The following GPHN variants were observed in gnomAD, a reference collection of about 807,000 sequenced individuals.
GPHN encodes gephyrin.
A neutral mutation model predicts 95.5 loss-of-function variants in GPHN; 17 were observed. The observed-to-expected ratio is 0.18, with a 90% CI of 0.12 to 0.27. The LOEUF is 0.27. Ranked by LOEUF, GPHN falls within the 10% of genes least tolerant of loss-of-function variation. The probability of loss-of-function intolerance (pLI) is 1.00; values close to 1 mark genes in which losing one functional copy is unlikely to be tolerated. For synonymous variants in GPHN, 320 were observed against 322.5 expected (o/e 0.99, Z 0.08); for missense variants, 660 against 978.1 (o/e 0.67, Z 4.34).
intron 1 of GPHN, among the ~76,000 whole-genome samples, chr14:66,520,550 C>T (rs1566749287): frequency 6.6e-6 from 1 of 152,078 alleles, no homozygotes; most frequent in East Asian, 1.9e-4. Context: ...TCTTACTCTC[C>T]ATTTCAGTGC....
the GPHN span, among the ~76,000 whole-genome samples, chr14:67,687,467 CTT>C: frequency 2.0e-3 from 162 of 79,674 alleles, no homozygotes; most frequent in African/African-American, 3.5e-3. Context: ...CTCCATATTC[CTT>C]TTTTTTTTTT....
At chr14:66,800,787 C>A (rs772730331) in intron 3 of GPHN, among the ~76,000 whole-genome samples, 1 of 151,702 alleles carries the variant, frequency 6.6e-6, no homozygotes, top group Non-Finnish European at 1.5e-5. Flanking sequence ...ATCTTTCTAC[C>A]CCTATTTCTT....
At chr14:66,776,801 C>T (rs536454718) in intron 3 of GPHN, among the ~76,000 whole-genome samples, 263 of 152,188 alleles carry the variant, frequency 1.7e-3, no homozygotes, top group African/African-American at 5.8e-3. Flanking sequence ...TGTGTATAAG[C>T]ATTGGTGTGC....
the GPHN span, among the ~76,000 whole-genome samples, chr14:67,460,347 C>T: frequency 9.7e-4 from 147 of 152,260 alleles, no homozygotes; most frequent in Non-Finnish European, 1.8e-3. Flanking sequence ...AGTTTGTTAT[C>T]TGTGAGGTGT....
At chr14:67,305,188 GA>G in the GPHN span, among the ~76,000 whole-genome samples, 2 of 152,222 alleles carry the variant, frequency 1.3e-5, no homozygotes. Flanking sequence ...CATAACAGAG[GA>G]GGGTTGGAAT....
intron 12 of GPHN, among the ~76,000 whole-genome samples, chr14:67,098,457 A>C (rs970362699): frequency 3.3e-5 from 5 of 152,168 alleles, no homozygotes; most frequent in African/African-American, 1.2e-4. Flanking sequence ...ACCAGGATTC[A>C]GATTCAGGTT....
At chr14:67,562,605 T>G in the GPHN span, 2 of 1,612,954 alleles carry the variant, frequency 1.2e-6, no homozygotes, top group Non-Finnish European at 8.5e-7. Flanking sequence ...CGGGACAGCA[T>G]CCAGTTGGCC....
At chr14:67,018,047 T>C (rs986925753) in intron 9 of GPHN, among the ~76,000 whole-genome samples, 7 of 152,126 alleles carry the variant, frequency 4.6e-5, no homozygotes, top group Non-Finnish European at 1.5e-5. Flanking sequence ...ATGATCCTTT[T>C]CCTCTAAGAA....
the GPHN span, among the ~76,000 whole-genome samples, chr14:67,357,857 TCACA>T: frequency 1.6e-4 from 24 of 152,288 alleles, no homozygotes; most frequent in South Asian, 4.2e-4. Context: ...TTCTATCCTC[TCACA>T]CAGACTGGGA....
the GPHN span, chr14:67,382,825 G>T: frequency 3.8e-6 from 2 of 531,854 alleles, no homozygotes; most frequent in South Asian, 2.3e-5. Flanking sequence ...TCTAAAATTT[G>T]ATCTCAGAAT....
chr14:67,323,829 A>G, the GPHN span: 2 of 1,289,432 alleles, frequency 1.6e-6, no homozygotes, highest in Non-Finnish European at 2.2e-6. Context: ...TTTTCACACT[A>G]TTGTACTATT....
At chr14:67,279,595 T>C in the GPHN span, 1 of 1,446,886 alleles carries the variant, frequency 6.9e-7, no homozygotes, top group Admixed American at 2.4e-5. Flanking sequence ...CTGTGCCTTA[T>C]AATGTATATG....
At chr14:67,278,663 A>C in the GPHN span, among the ~76,000 whole-genome samples, 1 of 152,192 alleles carries the variant, frequency 6.6e-6, no homozygotes, top group Non-Finnish European at 1.5e-5. Context: ...ACAACTACTA[A>C]AAGATGATTA....
At chr14:66,838,276 A>G (rs2061938494) in intron 4 of GPHN, among the ~76,000 whole-genome samples, 1 of 152,160 alleles carries the variant, frequency 6.6e-6, no homozygotes, top group South Asian at 2.1e-4. Flanking sequence ...TCCTTGCTAT[A>G]TAAATCTTTG....
chr14:67,090,906 A>C (rs1347062394), intron 12 of GPHN, among the ~76,000 whole-genome samples: 4 of 151,980 alleles, frequency 2.6e-5, no homozygotes, highest in African/African-American at 4.8e-5. Flanking sequence ...TAAGAATTAT[A>C]TTAAAAATTA....
the GPHN span, among the ~76,000 whole-genome samples, chr14:67,187,553 T>C: frequency 6.6e-6 from 1 of 152,192 alleles, no homozygotes; most frequent in Non-Finnish European, 1.5e-5. Context: ...GAATGATCAA[T>C]TCAGAACATA....
chr14:67,298,852 T>C, the GPHN span, among the ~76,000 whole-genome samples: 2 of 152,204 alleles, frequency 1.3e-5, no homozygotes. Flanking sequence ...TCAGGCCCTA[T>C]GAATATCCAC....
At chr14:66,793,195 G>T (rs1274818869) in intron 3 of GPHN, among the ~76,000 whole-genome samples, 1 of 152,250 alleles carries the variant, frequency 6.6e-6, no homozygotes, top group African/African-American at 2.4e-5. Context: ...GTTCCCAACA[G>T]TAAAGCTAAT....
chr14:67,453,275 C>T, the GPHN span, among the ~76,000 whole-genome samples: 1 of 152,200 alleles, frequency 6.6e-6, no homozygotes, highest in East Asian at 1.9e-4. Flanking sequence ...AAGTGCCCCT[C>T]TTCCTGGCTT....
Sources: allele counts gnomAD v4.1 joint callset (sites outside exome capture counted in the v4.1 genomes callset), GRCh38; gene constraint gnomAD v4.1.1; transcripts MANE v1.5; gene names NCBI Gene and HGNC (gene_info 2026-07-23, HGNC 2026-07-21).